Variants in TNFRSF19 observed in about 807,000 individuals in gnomAD.
The protein encoded by TNFRSF19 is tumor necrosis factor receptor superfamily member 19.
A neutral mutation model predicts 46.4 loss-of-function variants in TNFRSF19; 27 were observed. That is an observed-to-expected ratio of 0.58 (90% CI 0.43 to 0.80). TNFRSF19 has a LOEUF of 0.80. TNFRSF19 is among the 30% of genes least tolerant of loss of function. The pLI, the probability that TNFRSF19 is intolerant of heterozygous loss-of-function variation, is 0.00. For synonymous variants in TNFRSF19, 204 were observed against 205.0 expected, an observed-to-expected ratio of 1.00 and a Z score of 0.04; for missense variants, 511 against 530.8, an observed-to-expected ratio of 0.96 and a Z score of 0.37.
chr13:23,575,242 G>A (rs1292043022), intron 1 of TNFRSF19, among the ~76,000 whole-genome samples: 1 of 152,192 alleles, frequency 6.6e-6, no homozygotes, highest in Non-Finnish European at 1.5e-5. Context: ...GGTACTCAGG[G>A]CCAAACTCAC....
At chr13:23,629,788 C>G (rs545881745) in intron 5 of TNFRSF19, among the ~76,000 whole-genome samples, 1 of 152,322 alleles carries the variant, frequency 6.6e-6, no homozygotes, top group South Asian at 2.1e-4. Context: ...GACTGTCTAC[C>G]TGCTGGCCTG....
At chr13:23,673,329 G>A (rs980770115) in intron 9 of TNFRSF19, 43 bp from the exon 10 acceptor site, 2 of 1,580,418 alleles carry the variant, frequency 1.3e-6, no homozygotes, top group South Asian at 2.3e-5. Flanking sequence ...GATTTAACTT[G>A]TAAGACATTA....
chr13:23,633,670 G>GA (rs1277264161), intron 5 of TNFRSF19, among the ~76,000 whole-genome samples: 2 of 152,032 alleles, frequency 1.3e-5, no homozygotes, highest in Admixed American at 1.3e-4. Context: ...CCGACATGAC[G>GA]AAACCCTGTC....
chr13:23,659,060 G>T lies in TNFRSF19; in HGVS notation c.456G>T (p.Lys152Asn). ...TTCCTGTGGTTTCAGGTGCCAGCAA[G>T]GTCAACCTCGTGAAGATCGCGTCCA... Reference protein sequence around the residue: ...PPPYEPHCASKVNLVKIASTA... With the variant: ...PPPYEPHCASNVNLVKIASTA... The change falls in exon 6 of 10, where the codon AAG becomes AAT. Residue 152 changes from lysine to asparagine, a missense_variant. By Grantham distance (94) the Lys-to-Asn change is moderately conservative (BLOSUM62 0). This residue lies in a region of TNFRSF19 where 376 missense variants were observed against 372.7 expected (regional missense o/e 1.01). Transcript: ENST00000248484. The surrounding 1 kb of genome is among the most constrained non-coding windows in gnomAD (Gnocchi z 4.9). 1 of 1,613,688 alleles carries T rather than the reference G, an allele frequency of 6.2e-7. No homozygotes were observed.
chr13:23,631,634 G>A (rs1882369232), intron 5 of TNFRSF19, among the ~76,000 whole-genome samples: 1 of 152,186 alleles, frequency 6.6e-6, no homozygotes, highest in East Asian at 1.9e-4. Flanking sequence ...TTTAAAGTAA[G>A]AGTGCCTGGT....
chr13:23,606,003 G>C (rs531205490), intron 3 of TNFRSF19, among the ~76,000 whole-genome samples: 1 of 152,134 alleles, frequency 6.6e-6, no homozygotes, highest in African/African-American at 2.4e-5. Context: ...TATCATTCTG[G>C]TGCAGGGTGC....
rs1884188427 is a variant in TNFRSF19, at chr13:23,659,333, C to T, written c.610+119C>T. ...CAAGCACCAGTGAGTTGTGAAAGAA[C>T]GCAGGGCACAAGAAACACAGGTGAT... is the stretch of plus-strand genomic sequence containing the variant. On this transcript the variant is annotated intron_variant, in intron 6 of 9. Coordinates refer to ENST00000248484, the MANE Select transcript of TNFRSF19 (RefSeq NM_148957.4). The surrounding 1 kb of genome is among the most constrained non-coding windows in gnomAD (Gnocchi z 4.9). 9 of 1,115,162 alleles carry T rather than the reference C, an allele frequency of 8.1e-6. No individual in the cohort carries two copies. The highest frequency in any genetic ancestry group is 4.9e-5 in the East Asian group (2 of 40,602). The allele number at this position is 1,115,162 out of a possible 1,614,324, so 69.1% of individuals were successfully genotyped here.
At chr13:23,651,441 G>A (rs1883623181) in intron 5 of TNFRSF19, among the ~76,000 whole-genome samples, 1 of 152,142 alleles carries the variant, frequency 6.6e-6, no homozygotes, top group Admixed American at 6.5e-5. Flanking sequence ...AGAGTGATAT[G>A]TTATACAGAA....
intron 1 of TNFRSF19, among the ~76,000 whole-genome samples, chr13:23,571,206 TA>T (rs1276771832): frequency 2.0e-5 from 3 of 152,242 alleles, no homozygotes; most frequent in Admixed American, 2.0e-4. Context: ...CAGGTTACCT[TA>T]TTTAGTAAAC....
intron 3 of TNFRSF19, among the ~76,000 whole-genome samples, chr13:23,599,966 T>TCAAACATTCTTCTTTTCCC (rs1880018811): frequency 6.6e-6 from 1 of 152,182 alleles, no homozygotes; most frequent in Non-Finnish European, 1.5e-5. Flanking sequence ...TTTCTTTTCC[T>TCAAACATTCTTCTTTTCCC]CAAACATTCT....
Position 23,659,336 on chromosome 13 carries a change from A to G in TNFRSF19, c.610+122A>G. The G allele has an allele frequency of 9.3e-7, 1 of 1,080,514 alleles. No individual in the cohort carries two copies. The highest frequency in any genetic ancestry group is 1.3e-6 in the Non-Finnish European group (1 of 760,020). 66.9% of individuals were successfully genotyped at this position (1,080,514 alleles called of 1,614,324 possible). On this transcript the variant is annotated intron_variant, in intron 6 of 9. Transcript: ENST00000248484. This position sits in a 1 kb window ranked among gnomAD's most constrained non-coding sequence, Gnocchi z 4.9. ...GCACCAGTGAGTTGTGAAAGAACGC[A>G]GGGCACAAGAAACACAGGTGATCCC...
At chr13:23,656,544 T>A (rs1471964886) in intron 5 of TNFRSF19, among the ~76,000 whole-genome samples, 1 of 152,226 alleles carries the variant, frequency 6.6e-6, no homozygotes, top group African/African-American at 2.4e-5. Flanking sequence ...CAGTTTTGTG[T>A]CAATTGATGA....
chr13:23,572,720 G>C (rs1331613803), intron 1 of TNFRSF19, among the ~76,000 whole-genome samples: 1 of 152,172 alleles, frequency 6.6e-6, no homozygotes, highest in Non-Finnish European at 1.5e-5. Context: ...GAAATAGAGT[G>C]TATTTGATTT....
chr13:23,602,399 T>C (rs190697382), intron 3 of TNFRSF19, among the ~76,000 whole-genome samples: 142 of 152,184 alleles, frequency 9.3e-4, no homozygotes, highest in African/African-American at 3.3e-3. Flanking sequence ...CAAGGAGATA[T>C]AGATAAATCC....
intron 5 of TNFRSF19, among the ~76,000 whole-genome samples, chr13:23,651,346 G>A (rs1275596183): frequency 6.6e-6 from 1 of 151,936 alleles, no homozygotes; most frequent in Non-Finnish European, 1.5e-5. Context: ...AGTACTTATT[G>A]CTAATTGCTA....
intron 1 of TNFRSF19, chr13:23,585,558 C>T (rs956290944): frequency 2.6e-5 from 4 of 152,206 alleles, no homozygotes; most frequent in Non-Finnish European, 5.9e-5. Context: ...TATATTTGCT[C>T]ATATTTTTCA....
chr13:23,610,529 G>C (rs1880826745), intron 3 of TNFRSF19, among the ~76,000 whole-genome samples: 1 of 139,550 alleles, frequency 7.2e-6, no homozygotes, highest in Admixed American at 6.8e-5. Context: ...CACCCTGCCT[G>C]CCATCCTGCA....
At position 23,626,830 on chromosome 13, in the gene TNFRSF19, C is replaced by G. The variant is rs1267885485; in HGVS notation, c.445+38C>G. The G allele has an allele frequency of 3.8e-6, 6 of 1,593,992 alleles. No individual in the cohort carries two copies. In the African/African-American group the frequency reaches 8.1e-5, roughly 22 times the overall value. On this transcript the variant is annotated intron_variant, in intron 5 of 9. Coordinates refer to ENST00000248484, the MANE Select transcript of TNFRSF19 (RefSeq NM_148957.4). ...AACACAGGCAGAGCCAAGGGGACGC[C>G]TGGCCTTTTGAAAAAGTTTAAATTT...
Position 23,675,508 on chromosome 13 carries a change from C to A in TNFRSF19, c.*2128C>A, listed in dbSNP as rs1951816298. 6.6e-6 allele frequency: 1 copy of A among 152,218 alleles called. No individual in the cohort carries two copies. The highest frequency in any genetic ancestry group is 1.9e-4 in the East Asian group (1 of 5,198). The allele number at this position is 152,218 out of a possible 1,614,324, so 9.4% of individuals were successfully genotyped here. Reference sequence around the variant, plus strand: ...GGTTGAAAATTGATTTCATTTGCTACTGAATTTGGTAAATCCTGGGTAACT... The same window carrying A: ...GGTTGAAAATTGATTTCATTTGCTAATGAATTTGGTAAATCCTGGGTAACT... On this transcript the variant is annotated 3_prime_UTR_variant, in exon 10 of 10. Coordinates refer to ENST00000248484, the MANE Select transcript of TNFRSF19 (RefSeq NM_148957.4).
Sources: gnomAD v4.1 joint callset for allele counts (sites outside exome capture counted in the v4.1 genomes callset) on GRCh38, gnomAD v4.1.1 for gene constraint, gnomAD v4.1.1 regional missense constraint, Gnocchi (gnomAD v3.1) non-coding constraint, MANE v1.5 for transcripts, NCBI Gene and HGNC (gene_info 2026-07-23, HGNC 2026-07-21) for gene names.